CUX1: variants seen among roughly 807,000 people sequenced by gnomAD.
CUX1 encodes protein CASP.
A neutral mutation model predicts 158.8 loss-of-function variants in CUX1; 31 were observed. The observed-to-expected ratio is 0.20, with a 90% CI of 0.15 to 0.26. The LOEUF (loss-of-function observed/expected upper bound fraction) is 0.26, where lower values mean the gene tolerates loss of function less well. Ranked by LOEUF, CUX1 falls within the 10% of genes least tolerant of loss-of-function variation. The pLI is 1.00. For synonymous variants in CUX1, 879 were observed against 862.1 expected (o/e 1.02, Z -0.34); for missense variants, 1,589 against 2,014.6 (o/e 0.79, Z 4.04).
chr7:102,028,118 G>A lies in CUX1; in HGVS notation c.162G>A (p.Ala54=), dbSNP rs374397164. ...TCCAGGATTTGCGCAAGCAGGTAGC[G>A]CCGCTGCTGAAGAGTTTCCAAGGAG... The part of the protein sequence containing the change: ...NTPEDLRKQV[A]PLLKSFQGEI... Residue 54 remains alanine, a synonymous_variant, in exon 3 of 24, where the codon GCG becomes GCA. Coordinates refer to ENST00000292535, the MANE Select transcript of CUX1 (RefSeq NM_181552.4). The A allele has an allele frequency of 2.9e-5, 47 of 1,612,460 alleles. No individual in the cohort carries two copies. The highest frequency in any genetic ancestry group is 2.2e-4 in the Middle Eastern group (1 of 4,642).
chr7:101,976,900 A>ATT (rs10643207), intron 2 of CUX1, among the ~76,000 whole-genome samples: 4,746 of 39,378 alleles, frequency 0.12, 1,379 homozygotes, highest in Non-Finnish European at 0.14. Flanking sequence ...TCCCTTTCTG[A>ATT]TTTTTTTTTT....
At chr7:102,271,455 G>A (rs1371910876) in intron 14 of CUX1, among the ~76,000 whole-genome samples, 1 of 152,190 alleles carries the variant, frequency 6.6e-6, no homozygotes, top group Non-Finnish European at 1.5e-5. Context: ...AAGCATGTGT[G>A]GCCGGCTCTG....
intron 1 of CUX1, among the ~76,000 whole-genome samples, chr7:101,907,900 G>A (rs889340609): frequency 2.6e-5 from 4 of 151,992 alleles, no homozygotes; most frequent in African/African-American, 7.3e-5. Context: ...TGGGAGGATC[G>A]CCTGAGCCCA....
At chr7:101,872,055 G>A (rs894250218) in intron 1 of CUX1, among the ~76,000 whole-genome samples, 5 of 151,766 alleles carry the variant, frequency 3.3e-5, no homozygotes, top group African/African-American at 9.7e-5. Context: ...TGTGTGCAGC[G>A]TGATTCTGTG....
intron 3 of CUX1, among the ~76,000 whole-genome samples, chr7:102,037,647 C>A: frequency 6.7e-6 from 1 of 149,436 alleles, no homozygotes; most frequent in South Asian, 2.1e-4. Flanking sequence ...CCACCACGCC[C>A]GGCCCTGGGC....
At chr7:101,920,349 C>T (rs1251814661) in intron 2 of CUX1, among the ~76,000 whole-genome samples, 1 of 151,994 alleles carries the variant, frequency 6.6e-6, no homozygotes, top group Non-Finnish European at 1.5e-5. Context: ...GTCTTGAACT[C>T]CTGACCTTGT....
At chr7:101,821,598 G>A (rs1386131418) in intron 1 of CUX1, among the ~76,000 whole-genome samples, 14 of 149,492 alleles carry the variant, frequency 9.4e-5, no homozygotes, top group Non-Finnish European at 1.5e-4. Context: ...TTGGCCTCCC[G>A]AAGTGCTGGG....
intron 8 of CUX1, among the ~76,000 whole-genome samples, chr7:102,127,792 C>G (rs375220049): frequency 2.6e-4 from 39 of 152,144 alleles, no homozygotes; most frequent in African/African-American, 8.7e-4. Context: ...CTTTCTATGC[C>G]TTCATGTTCT....
At chr7:102,192,314 A>G (rs1204133039) in intron 12 of CUX1, among the ~76,000 whole-genome samples, 1 of 152,056 alleles carries the variant, frequency 6.6e-6, no homozygotes, top group African/African-American at 2.4e-5. Flanking sequence ...TGGGGTCCTC[A>G]CAAGTTCTGT....
chr7:101,871,536 C>T (rs146317577), intron 1 of CUX1, among the ~76,000 whole-genome samples: 111 of 152,094 alleles, frequency 7.3e-4, no homozygotes, highest in African/African-American at 2.5e-3. Context: ...ACCTTGGGCA[C>T]GTGCACAGTG....
intron 2 of CUX1, among the ~76,000 whole-genome samples, chr7:102,022,567 A>G (rs757674380): frequency 3.3e-5 from 5 of 151,504 alleles, no homozygotes; most frequent in Non-Finnish European, 5.9e-5. Flanking sequence ...GCAGTGAGCT[A>G]TGATTGAGCC....
At chr7:101,895,914 T>TG (rs1554408141) in intron 1 of CUX1, among the ~76,000 whole-genome samples, 21 of 131,338 alleles carry the variant, frequency 1.6e-4, no homozygotes, top group East Asian at 7.0e-4. Context: ...TTTTGTTTTT[T>TG]TTTTTTTTTT....
In CUX1 at chr7:102,248,106, G is replaced by C. The variant is rs1203040903; in HGVS notation, c.3888-306G>C. Among the ~76,000 whole-genome samples the C allele has an allele frequency of 6.6e-6, 1 of 152,190 alleles. No individual in the cohort carries two copies. The highest frequency in any genetic ancestry group is 1.5e-5 in the Non-Finnish European group (1 of 68,030). ...AGATTGAGCCACTGCACTCCACCTG[G>C]GCAGCAACAGGGAAATTCTGTCTCA... On this transcript the variant is annotated intron_variant, in intron 23 of 23. Coordinates refer to ENST00000292535, the MANE Select transcript of CUX1 (RefSeq NM_181552.4). This position sits in a 1 kb window ranked among gnomAD's most constrained non-coding sequence, Gnocchi z 5.8.
At chr7:102,169,675 C>T (rs1157635125) in intron 9 of CUX1, among the ~76,000 whole-genome samples, 3 of 152,170 alleles carry the variant, frequency 2.0e-5, no homozygotes, top group South Asian at 2.1e-4. Flanking sequence ...GACACCCTGT[C>T]GGGTGGTGGG....
At chr7:102,091,956 G>A (rs201438) in intron 4 of CUX1, among the ~76,000 whole-genome samples, 92,127 of 151,930 alleles carry the variant, frequency 0.61, 29,850 homozygotes, top group African/African-American at 0.79. Flanking sequence ...GAGTTTCACC[G>A]TATTGGCCAG....
chr7:102,065,673 CG>C (rs779380603), intron 3 of CUX1, among the ~76,000 whole-genome samples: 1 of 152,138 alleles, frequency 6.6e-6, no homozygotes, highest in African/African-American at 2.4e-5. Flanking sequence ...GAAGAGGGCA[CG>C]GGGAGAGGAC....
At chr7:102,009,443 T>G (rs1334137080) in intron 2 of CUX1, among the ~76,000 whole-genome samples, 1 of 152,196 alleles carries the variant, frequency 6.6e-6, no homozygotes, top group African/African-American at 2.4e-5. Context: ...AAGAAATTGC[T>G]CAGTCCAGAC....
intron 20 of CUX1, 72 bp from the exon 21 acceptor site, chr7:102,227,295 A>C: frequency 7.6e-7 from 1 of 1,324,380 alleles, no homozygotes; most frequent in Non-Finnish European, 1.1e-6. Context: ...TATTTCCTAG[A>C]TAAGGAACGT....
At chr7:102,016,133 A>G (rs1440155726) in intron 2 of CUX1, among the ~76,000 whole-genome samples, 1 of 151,958 alleles carries the variant, frequency 6.6e-6, no homozygotes, top group African/African-American at 2.4e-5. Flanking sequence ...TTTTTAGTAG[A>G]GATGGGGTCT....
Sources: gnomAD v4.1 joint callset for allele counts (sites outside exome capture counted in the v4.1 genomes callset) on GRCh38, gnomAD v4.1.1 for gene constraint, Gnocchi (gnomAD v3.1) non-coding constraint, MANE v1.5 for transcripts, NCBI Gene and HGNC (gene_info 2026-07-23, HGNC 2026-07-21) for gene names.